Variants in ZNF208 observed in about 807,000 individuals in gnomAD.
ZNF208 encodes the protein zinc finger protein 208.
A neutral mutation model predicts 12.1 loss-of-function variants in ZNF208; 10 were observed. That is an observed-to-expected ratio of 0.83 (90% CI 0.51 to 1.40). The LOEUF (loss-of-function observed/expected upper bound fraction) is 1.40, where lower values mean the gene tolerates loss of function less well. Ranked by LOEUF, ZNF208 falls within the 40% of genes most tolerant of loss-of-function variation. The pLI is 0.00. For synonymous variants in ZNF208, 497 were observed against 488.4 expected (o/e 1.02, Z -0.23); for missense variants, 1,652 against 1,485.0 (o/e 1.11, Z -1.85).
chr19:21,989,703 T>G (rs1285967172), intron 1 of ZNF208, among the ~76,000 whole-genome samples: 1 of 152,172 alleles, frequency 6.6e-6, no homozygotes, highest in Non-Finnish European at 1.5e-5. Context: ...CCACCAACAG[T>G]GTAAAAGTGT....
chr19:21,989,000 G>C, intron 1 of ZNF208, 91 bp from the exon 2 acceptor site: 6 of 1,511,838 alleles, frequency 4.0e-6, no homozygotes, highest in Non-Finnish European at 5.4e-6. Flanking sequence ...AAAGAGAGCT[G>C]GTTCTGACTT....
In ZNF208 at chr19:21,974,547, G is replaced by T; in HGVS notation, c.487C>A (p.His163Asn). The T allele has an allele frequency of 6.2e-7, 1 of 1,613,584 alleles. No individual in the cohort carries two copies. The highest frequency in any genetic ancestry group is 8.5e-7 in the Non-Finnish European group (1 of 1,179,684). ...VFHKCSNSNRHKIRHTGKKHL... is the reference protein window; with the variant it reads ...VFHKCSNSNRNKIRHTGKKHL... ...TTCTTTCCAGTATGCCTTATCTTAT[G>T]TCTGTTTGAATTTGAACATTTATGA... is the stretch of plus-strand genomic sequence containing the variant. The change falls in exon 4 of 4, where the codon CAT becomes AAT. Residue 163 changes from histidine to asparagine, a missense_variant. Physicochemically the swap from His to Asn is moderately conservative, Grantham distance 68. Transcript: ENST00000397126.
intron 4 of ZNF208, among the ~76,000 whole-genome samples, chr19:21,955,768 T>A (rs1203475959): frequency 6.6e-6 from 1 of 152,210 alleles, no homozygotes; most frequent in Non-Finnish European, 1.5e-5. Flanking sequence ...TTGAGATGGG[T>A]TCGAACATCC....
intron 4 of ZNF208, among the ~76,000 whole-genome samples, chr19:21,944,387 T>C (rs1279083345): frequency 6.6e-6 from 1 of 152,220 alleles, no homozygotes; most frequent in Non-Finnish European, 1.5e-5. Flanking sequence ...AAAGTCACAA[T>C]GTAGAAACCC....
chr19:21,963,021 A>T (rs1013651331), downstream of ZNF208, among the ~76,000 whole-genome samples: 1 of 152,100 alleles, frequency 6.6e-6, no homozygotes, highest in African/African-American at 2.4e-5. Flanking sequence ...TATTTCACAT[A>T]AGTATTCTAT....
intron 3 of ZNF208, 195 bp downstream of exon 3, chr19:21,987,021 A>G (rs1970639001): frequency 7.5e-6 from 4 of 536,796 alleles, no homozygotes; most frequent in African/African-American, 5.9e-5. Context: ...GAAGGGAAAG[A>G]AGAATTCTTA....
downstream of ZNF208, among the ~76,000 whole-genome samples, chr19:21,963,849 AT>A (rs1361299181): frequency 6.6e-6 from 1 of 152,010 alleles, no homozygotes; most frequent in Non-Finnish European, 1.5e-5. Flanking sequence ...CAGAATGGAT[AT>A]AAACTTTATG....
Position 22,010,931 on chromosome 19 carries a change from C to A in ZNF208, c.-137G>T. The A allele has an allele frequency of 1.5e-6, 2 of 1,336,902 alleles. No homozygotes were observed. Among genetic ancestry groups the A allele is most frequent in the South Asian group, 1.2e-5 (1 of 80,298 alleles). The allele number at this position is 1,336,902 out of a possible 1,614,324, so 82.8% of individuals were successfully genotyped here. On this transcript the variant is annotated 5_prime_UTR_variant, in exon 1 of 4. Transcript: ENST00000397126. Reference sequence around the variant, plus strand: ...ACGAGACCTTGACCTCCGGCTGCAGCGAGAGACAAAGGACCGACCACATCC... The same window carrying A: ...ACGAGACCTTGACCTCCGGCTGCAGAGAGAGACAAAGGACCGACCACATCC...
At chr19:22,000,409 T>C (rs1970924289) in intron 1 of ZNF208, among the ~76,000 whole-genome samples, 1 of 152,096 alleles carries the variant, frequency 6.6e-6, no homozygotes. Context: ...ATAAAACAAC[T>C]GGAAACTATA....
At chr19:21,956,772 C>A (rs1006350600) in intron 4 of ZNF208, among the ~76,000 whole-genome samples, 5 of 152,186 alleles carry the variant, frequency 3.3e-5, no homozygotes, top group Non-Finnish European at 7.3e-5. Context: ...ATTACCCCAA[C>A]CCCTTGCACT....
In ZNF208 at chr19:21,974,799, A is replaced by T; in HGVS notation, c.235T>A (p.Ser79Thr). 1 of 1,546,546 alleles carries T rather than the reference A, an allele frequency of 6.5e-7. No individual in the cohort carries two copies. Among genetic ancestry groups the T allele is most frequent in the Non-Finnish European group, 8.7e-7 (1 of 1,151,206 alleles). Residue 79 changes from serine to threonine, a missense_variant, in exon 4 of 4, where the codon TCT becomes ACT. This residue lies in a region of ZNF208 where 410 missense variants were observed against 378.2 expected (regional missense o/e 1.08). Transcript: ENST00000397126. Reference protein sequence around the residue: ...EMVEESPVICSHFAQDLWPEQ... With the variant: ...EMVEESPVICTHFAQDLWPEQ... ...GGCCAAAGATCTTGAGCAAAATGAG[A>T]ACATATAACTGAAAAGAAATAAAAA...
chr19:21,971,924 G>C lies in ZNF208; in HGVS notation c.3110C>G (p.Ala1037Gly). ...TPYKCEECDK[A>G]FSWPSSLTEH... Reference sequence around the variant, plus strand: ...AGTAAGGCTTGAGGGCCAGCTGAAGGCTTTGTCACATTCTTCACATTTGTA... The same window carrying C: ...AGTAAGGCTTGAGGGCCAGCTGAAGCCTTTGTCACATTCTTCACATTTGTA... Residue 1037 changes from alanine to glycine, a missense_variant, in exon 4 of 4, where the codon GCC becomes GGC. By Grantham distance (60) the Ala-to-Gly change is moderately conservative. This residue lies in a region of ZNF208 where 1,239 missense variants were observed against 1,086.2 expected (regional missense o/e 1.14). Transcript: ENST00000397126. The C allele has an allele frequency of 6.6e-7, 1 of 1,523,352 alleles. No homozygotes were observed. The highest frequency in any genetic ancestry group is 1.1e-5 in the South Asian group (1 of 87,608). The allele number at this position is 1,523,352 out of a possible 1,614,324, so 94.4% of individuals were successfully genotyped here. A position where few individuals can be genotyped will look rare whatever the true frequency, so the allele number is the denominator to read the frequency against.
At chr19:22,001,915 A>G (rs1180624660) in intron 1 of ZNF208, among the ~76,000 whole-genome samples, 10 of 144,766 alleles carry the variant, frequency 6.9e-5, no homozygotes, top group Admixed American at 2.1e-4. Flanking sequence ...AAAAAAAAAA[A>G]AAAAAAGAAA....
intron 4 of ZNF208, among the ~76,000 whole-genome samples, chr19:21,952,600 A>G (rs1005662379): frequency 6.6e-6 from 1 of 152,242 alleles, no homozygotes; most frequent in African/African-American, 2.4e-5. Flanking sequence ...AAAGAAAACC[A>G]GCAAACAGAA....
chr19:21,947,255 C>T (rs1310561409), intron 4 of ZNF208, among the ~76,000 whole-genome samples: 1 of 152,006 alleles, frequency 6.6e-6, no homozygotes, highest in African/African-American at 2.4e-5. Context: ...GAGTAAATAC[C>T]CTCCTTTGCA....
chr19:21,996,635 A>G (rs969131414), intron 1 of ZNF208, among the ~76,000 whole-genome samples: 1 of 152,120 alleles, frequency 6.6e-6, no homozygotes, highest in African/African-American at 2.4e-5. Flanking sequence ...TGCATGGGTA[A>G]AGTAGCAATA....
rs541900239 is a variant in ZNF208, at chr19:21,967,157, T to C, written c.*4034A>G. 3 of 152,224 alleles carry C rather than the reference T, an allele frequency of 2.0e-5. No homozygotes were observed. In the South Asian group the frequency reaches 6.2e-4, roughly 32 times the overall value. The allele number at this position is 152,224 out of a possible 1,614,324, so 9.4% of individuals were successfully genotyped here. On this transcript the variant is annotated 3_prime_UTR_variant, in exon 4 of 4. Coordinates refer to ENST00000397126, the MANE Select transcript of ZNF208 (RefSeq NM_007153.3). ...TACAGAGGCCAGTATTATCTAAGTG[T>C]TATTCTAAGATTTTTGTAGCTTGGA...
chr19:21,991,740 C>CAACA (rs1339250173), intron 1 of ZNF208: 1 of 73,794 alleles, frequency 1.4e-5, no homozygotes, highest in Non-Finnish European at 3.1e-5. Context: ...AACTCCATCT[C>CAACA]AAAAAAAAAA....
intron 4 of ZNF208, among the ~76,000 whole-genome samples, chr19:21,945,223 TC>T (rs1300461694): frequency 6.6e-6 from 1 of 152,186 alleles, no homozygotes; most frequent in Admixed American, 6.5e-5. Flanking sequence ...AGTCCCTAGT[TC>T]CAGTCTTTGC....
Sources: gnomAD v4.1 joint callset for allele counts (sites outside exome capture counted in the v4.1 genomes callset) on GRCh38, gnomAD v4.1.1 for gene constraint, gnomAD v4.1.1 regional missense constraint, MANE v1.5 for transcripts, NCBI Gene and HGNC (gene_info 2026-07-23, HGNC 2026-07-21) for gene names.